NUP98: variants seen among roughly 807,000 people sequenced by gnomAD.
The protein encoded by NUP98 is nucleoporin 98 and 96 precursor.
Under a neutral mutation model 191.9 loss-of-function variants are expected in NUP98, and 26 were observed. The ratio of observed to expected loss-of-function variants is 0.14; its 90% CI spans 0.10 to 0.19. The LOEUF is 0.19. NUP98 is among the 10% of genes least tolerant of loss of function. NUP98 has a pLI of 1.00. For synonymous variants in NUP98, 808 were observed against 778.4 expected, an observed-to-expected ratio of 1.04 and a Z score of -0.63; for missense variants, 1,941 against 2,178.8, an observed-to-expected ratio of 0.89 and a Z score of 2.17.
intron 20 of NUP98, among the ~76,000 whole-genome samples, chr11:3,708,797 G>C (rs1319834648): frequency 6.6e-6 from 1 of 151,730 alleles, no homozygotes; most frequent in African/African-American, 2.4e-5. Flanking sequence ...GAGGTCGATG[G>C]AAAAGAACGG....
intron 9 of NUP98, among the ~76,000 whole-genome samples, chr11:3,761,165 G>A (rs1284920946): frequency 1.3e-5 from 2 of 152,220 alleles, no homozygotes; most frequent in Admixed American, 6.5e-5. Flanking sequence ...AAAATCAGGA[G>A]TGACTGCCAA....
At chr11:3,680,918 T>C (rs774680362) in intron 30 of NUP98, among the ~76,000 whole-genome samples, 10 of 152,074 alleles carry the variant, frequency 6.6e-5, no homozygotes, top group Non-Finnish European at 1.2e-4. Context: ...TGGAGTGCAG[T>C]GGTGTGATCA....
At chr11:3,759,529 A>C (rs2081092815) in intron 10 of NUP98, among the ~76,000 whole-genome samples, 1 of 152,030 alleles carries the variant, frequency 6.6e-6, no homozygotes, top group Non-Finnish European at 1.5e-5. Context: ...CCCGGGAGGC[A>C]GAGTTTGCAG....
chr11:3,735,570 TAC>T (rs1416056464), intron 12 of NUP98, among the ~76,000 whole-genome samples: 2 of 152,104 alleles, frequency 1.3e-5, no homozygotes, highest in Non-Finnish European at 2.9e-5. Flanking sequence ...TAAATTCACT[TAC>T]ACAGTGTTCA....
intron 28 of NUP98, among the ~76,000 whole-genome samples, chr11:3,687,680 T>C (rs879778138): frequency 6.6e-6 from 1 of 152,152 alleles, no homozygotes; most frequent in Non-Finnish European, 1.5e-5. Context: ...ATGACCAGTA[T>C]CAAAAAGAAA....
chr11:3,677,410 GTTTTT>G (rs372075323), intron 31 of NUP98, among the ~76,000 whole-genome samples: 30 of 130,786 alleles, frequency 2.3e-4, no homozygotes, highest in Non-Finnish European at 3.5e-4. Context: ...TGTAACATAG[GTTTTT>G]TTTTTTTTTT....
At chr11:3,731,746 C>A (rs930943226) in intron 13 of NUP98, among the ~76,000 whole-genome samples, 168 bp from the exon 14 acceptor site, 2 of 152,210 alleles carry the variant, frequency 1.3e-5, no homozygotes, top group African/African-American at 2.4e-5. Context: ...CAACTTTGTA[C>A]ATGTTGAGTA....
At chr11:3,703,679 G>T (rs2078776865) in intron 22 of NUP98, among the ~76,000 whole-genome samples, 1 of 151,948 alleles carries the variant, frequency 6.6e-6, no homozygotes, top group South Asian at 2.1e-4. Flanking sequence ...AATCCTAAAG[G>T]TAACGATTTC....
chr11:3,683,527 G>A, intron 29 of NUP98, 86 bp from the exon 30 acceptor site: 2 of 1,430,116 alleles, frequency 1.4e-6, no homozygotes, highest in South Asian at 1.3e-5. Flanking sequence ...CCTTGGGGCA[G>A]TCTCTTAAAC....
chr11:3,705,167 C>T lies in NUP98; in HGVS notation c.3082+33G>A, dbSNP rs775998779. The T allele has an allele frequency of 6.2e-6, 10 of 1,609,834 alleles. No individual in the cohort carries two copies. The East Asian group carries it at 2.0e-4, about 32-fold the overall frequency. On this transcript the variant is annotated intron_variant, in intron 22 of 32. Coordinates refer to ENST00000324932, the MANE Select transcript of NUP98 (RefSeq NM_016320.5). ...AAAGCAGGACTTGATGACTGTACAGCTTTCTTGTAAAATAGCATCTTTTAT... is the reference window on the plus strand; with the variant it reads ...AAAGCAGGACTTGATGACTGTACAGTTTTCTTGTAAAATAGCATCTTTTAT...
At chr11:3,678,121 GA>G (rs1476933147) in intron 31 of NUP98, among the ~76,000 whole-genome samples, 1 of 141,248 alleles carries the variant, frequency 7.1e-6, no homozygotes, top group Non-Finnish European at 1.5e-5. Context: ...CTGGGTGACA[GA>G]GTAAAACTCT....
chr11:3,769,653 T>A (rs1342489965), intron 7 of NUP98, among the ~76,000 whole-genome samples: 1 of 149,274 alleles, frequency 6.7e-6, no homozygotes, highest in African/African-American at 2.5e-5. Flanking sequence ...AGGCTGGACA[T>A]GGTGGTTCAC....
chr11:3,694,982 G>A (rs895575077), intron 26 of NUP98, among the ~76,000 whole-genome samples: 1 of 151,924 alleles, frequency 6.6e-6, no homozygotes, highest in Non-Finnish European at 1.5e-5. Context: ...ATGTAAATAG[G>A]AACAACATAT....
chr11:3,717,010 GT>G (rs2079208331), intron 18 of NUP98, among the ~76,000 whole-genome samples: 1 of 151,982 alleles, frequency 6.6e-6, no homozygotes, highest in Admixed American at 6.6e-5. Flanking sequence ...ACAATATTAA[GT>G]TTTTTTCTTT....
Position 3,768,762 on chromosome 11 carries a change from AAAAAAAGAAAAAAG to A in NUP98, c.785-32_785-19del, listed in dbSNP as rs2081422286. On this transcript the variant is annotated intron_variant, in intron 7 of 32. Transcript: ENST00000324932. ...AGTTGTACCTTTTAGGAAAAAGAAA[AAAAAAAGAAAAAAG>A]AAATAATAAAAAAAATGTAAACACC... The A allele has an allele frequency of 1.1e-6, 1 of 890,458 alleles. No homozygotes were observed. The allele number at this position is 890,458 out of a possible 1,614,324, so 55.2% of individuals were successfully genotyped here. A position where few individuals can be genotyped will look rare whatever the true frequency, so the allele number is the denominator to read the frequency against.
At chr11:3,711,905 GA>G (rs1564831302) in intron 20 of NUP98, 2 of 1,038,232 alleles carry the variant, frequency 1.9e-6, no homozygotes, top group African/African-American at 3.4e-5. Context: ...TTATAGCATG[GA>G]AAATACCAAA....
At chr11:3,695,407 GA>G in intron 26 of NUP98, 41 bp downstream of exon 26, 1 of 1,467,044 alleles carries the variant, frequency 6.8e-7, no homozygotes, top group Admixed American at 2.4e-5. Flanking sequence ...TTCAATTTAT[GA>G]AAAAACCAAT....
At chr11:3,715,174 T>C (rs1458826348) in intron 18 of NUP98, among the ~76,000 whole-genome samples, 1 of 152,150 alleles carries the variant, frequency 6.6e-6, no homozygotes, top group Non-Finnish European at 1.5e-5. Context: ...TTAGACTGAG[T>C]CTCGCTCTGT....
chr11:3,751,191 T>A (rs1323764757), intron 11 of NUP98, among the ~76,000 whole-genome samples: 1 of 151,988 alleles, frequency 6.6e-6, no homozygotes, highest in Non-Finnish European at 1.5e-5. Flanking sequence ...AAACCCCGTC[T>A]CTCCTAAAAA....
Sources: allele counts gnomAD v4.1 joint callset (sites outside exome capture counted in the v4.1 genomes callset), GRCh38; gene constraint gnomAD v4.1.1; transcripts MANE v1.5; gene names NCBI Gene and HGNC (gene_info 2026-07-23, HGNC 2026-07-21).